Variants in AR observed in about 807,000 individuals in gnomAD.
AR encodes the protein dihydrotestosterone receptor.
A neutral mutation model predicts 53.9 loss-of-function variants in AR; 8 were observed. The ratio of observed to expected loss-of-function variants is 0.15; its 90% CI spans 0.09 to 0.27. AR has a LOEUF of 0.27. Ranked by LOEUF, AR falls within the 10% of genes least tolerant of loss-of-function variation. The probability of loss-of-function intolerance (pLI) is 1.00; values close to 1 mark genes in which losing one functional copy is unlikely to be tolerated. For synonymous variants in AR, 359 were observed against 316.4 expected (o/e 1.13, Z -1.43); for missense variants, 639 against 742.5 (o/e 0.86, Z 1.62).
chrX:67,550,133 G>A (rs914103984), intron 1 of AR, among the ~76,000 whole-genome samples: 19 of 111,897 alleles, frequency 1.7e-4, no homozygotes, highest in Non-Finnish European at 2.8e-4. Flanking sequence ...CCATTCGGAA[G>A]TATACACAGG....
chrX:67,684,454 CT>C (rs1170751899), intron 2 of AR, among the ~76,000 whole-genome samples: 1 of 111,070 alleles, frequency 9.0e-6, no homozygotes, highest in Non-Finnish European at 1.9e-5. Context: ...AGTTTTCTTC[CT>C]TTGGGGGCCT....
intron 1 of AR, among the ~76,000 whole-genome samples, chrX:67,631,370 C>G (rs1388573528): frequency 9.0e-6 from 1 of 111,690 alleles, no homozygotes; most frequent in Non-Finnish European, 1.9e-5. Context: ...AAGTTCCCTT[C>G]TCACTTCATT....
rs770520675 is a variant in AR, at chrX:67,726,933, TC to T, written c.*3093del. On this transcript the variant is annotated 3_prime_UTR_variant, in exon 8 of 8. Coordinates refer to ENST00000374690, the MANE Select transcript of AR (RefSeq NM_000044.6). ...CTCACTGGAAAAGTCACAAGGACCA[TC>T]TCCAAACAAGTTGGCAGTGCTCGAT... 1.4e-4 allele frequency: 25 copies of T among 173,034 alleles called. No homozygotes were observed. The East Asian group carries it at 1.8e-3, about 12-fold the overall frequency. 14.3% of individuals were successfully genotyped at this position (173,034 alleles called of 1,213,427 possible). A position where few individuals can be genotyped will look rare whatever the true frequency, so the allele number is the denominator to read the frequency against.
intron 1 of AR, among the ~76,000 whole-genome samples, chrX:67,641,259 T>C (rs1275576226): frequency 1.8e-5 from 2 of 111,746 alleles, no homozygotes; most frequent in African/African-American, 3.2e-5. Context: ...TTCTGCAATA[T>C]AGGGATGATA....
At position 67,651,103 on chromosome X, in the gene AR, C is replaced by T. The variant is rs938339551; in HGVS notation, c.1768+7696C>T. ...TCACCCAGGCTGGAGTGCAGTGGCA[C>T]GATCTCGGCTCACTGCAACCTCCAC... On this transcript the variant is annotated intron_variant, in intron 2 of 7. Transcript: ENST00000374690. 8.3e-5 allele frequency among the ~76,000 whole-genome samples: 9 copies of T among 108,698 alleles called. 1 individual carries two copies. In the Middle Eastern group the frequency reaches 0.014, roughly 171 times the overall value. 94.4% of individuals were successfully genotyped at this position (108,698 alleles called of 115,157 possible).
At chrX:67,719,076 A>G (rs996114576) in intron 5 of AR, among the ~76,000 whole-genome samples, 1 of 110,858 alleles carries the variant, frequency 9.0e-6, no homozygotes, top group African/African-American at 3.3e-5. Context: ...AATAAAATCT[A>G]CAGGCCAATG....
rs1265039384 is a variant in AR at position 67,638,670 on chromosome X, T to C, written c.1617-4586T>C. Among the ~76,000 whole-genome samples the C allele has an allele frequency of 2.3e-4, 26 of 112,008 alleles. No homozygotes were observed. The Admixed American group carries it at 2.5e-3, about 11-fold the overall frequency. On this transcript the variant is annotated intron_variant, in intron 1 of 7. Coordinates refer to ENST00000374690, the MANE Select transcript of AR (RefSeq NM_000044.6). ...CTTCACCCACTTTTTGATGGGGTTG[T>C]TTGTCTTTTTCTTGTAAATTTGTTT...
At chrX:67,595,675 G>A (rs995716222) in intron 1 of AR, among the ~76,000 whole-genome samples, 1 of 106,750 alleles carries the variant, frequency 9.4e-6, no homozygotes, top group African/African-American at 3.4e-5. Flanking sequence ...ATAGCCAGGC[G>A]TGATGGTGCG....
intron 4 of AR, among the ~76,000 whole-genome samples, chrX:67,717,042 G>T: frequency 8.9e-6 from 1 of 111,783 alleles, no homozygotes; most frequent in East Asian, 2.8e-4. Context: ...TGTTGTGAAT[G>T]TTAAATGAGA....
intron 1 of AR, among the ~76,000 whole-genome samples, chrX:67,625,629 G>C (rs775680828): frequency 2.1e-4 from 23 of 111,356 alleles, no homozygotes; most frequent in Non-Finnish European, 4.0e-4. Flanking sequence ...ACTTTCAAAA[G>C]TGTTGCTAAG....
intron 1 of AR, among the ~76,000 whole-genome samples, chrX:67,590,257 A>G (rs1406283810): frequency 9.0e-6 from 1 of 111,445 alleles, no homozygotes; most frequent in African/African-American, 3.3e-5. Context: ...TGGGTTAAGC[A>G]GAAATAACTT....
At chrX:67,664,962 A>G (rs973884179) in intron 2 of AR, among the ~76,000 whole-genome samples, 1 of 112,811 alleles carries the variant, frequency 8.9e-6, no homozygotes, top group African/African-American at 3.2e-5. Context: ...AAGACCATTG[A>G]AAAAGTGCAG....
intron 5 of AR, among the ~76,000 whole-genome samples, chrX:67,720,640 C>CA (rs1205830368): frequency 1.8e-5 from 2 of 111,539 alleles, no homozygotes; most frequent in Non-Finnish European, 3.8e-5. Context: ...AATAATTCTA[C>CA]ACCATCTGCC....
chrX:67,686,757 T>A (rs2075968963), intron 3 of AR, among the ~76,000 whole-genome samples: 1 of 111,575 alleles, frequency 9.0e-6, no homozygotes, highest in African/African-American at 3.3e-5. Context: ...AAAGCATTTT[T>A]TTTCAGTAGC....
chrX:67,704,823 T>C (rs768821149), intron 3 of AR, among the ~76,000 whole-genome samples: 33 of 112,183 alleles, frequency 2.9e-4, no homozygotes, highest in Non-Finnish European at 5.4e-4. Flanking sequence ...AATTTTTCTA[T>C]AAGGTGTAAG....
At chrX:67,679,173 G>A (rs1159554982) in intron 2 of AR, among the ~76,000 whole-genome samples, 1 of 111,174 alleles carries the variant, frequency 9.0e-6, no homozygotes, top group Non-Finnish European at 1.9e-5. Flanking sequence ...TGTCAATTTA[G>A]AAATTTAAAA....
chrX:67,545,321 CAGCAGCAGCAG>C lies in AR; in HGVS notation c.176_186del (p.Gln59ProfsTer21), dbSNP rs763148811. 11 of 572,252 alleles carry C rather than the reference CAGCAGCAGCAG, an allele frequency of 1.9e-5. No homozygotes were observed. The African/African-American group carries it at 2.4e-4, about 13-fold the overall frequency. The allele number at this position is 572,252 out of a possible 1,213,427, so 47.2% of individuals were successfully genotyped here. ...CGGCGCCAGTTTGCTGCTGCTGCAG[CAGCAGCAGCAG>C]CAGCAGCAGCAGCAGCAGCAGCAGC... is the stretch of plus-strand genomic sequence containing the variant. On this transcript the variant is annotated frameshift_variant, in exon 1 of 8. Transcript: ENST00000374690. LOFTEE classifies it high-confidence loss of function.
chrX:67,633,292 T>C (rs1925260846), intron 1 of AR, among the ~76,000 whole-genome samples: 1 of 111,624 alleles, frequency 9.0e-6, no homozygotes, highest in African/African-American at 3.3e-5. Flanking sequence ...CCTCCTACCC[T>C]CCACCATCAA....
In AR at chrX:67,608,051, A is replaced by G. The variant is rs1035537895; in HGVS notation, c.1617-35205A>G. 2.7e-5 allele frequency among the ~76,000 whole-genome samples: 3 copies of G among 112,291 alleles called. No homozygotes were observed. In the Admixed American group the frequency reaches 2.8e-4, roughly 11 times the overall value. Reference sequence around the variant, plus strand: ...ATAATAGTCTTAAAGTCCGATGCCCAGCAGAGCCGTAGATTTTTCACTGGC... The same window carrying G: ...ATAATAGTCTTAAAGTCCGATGCCCGGCAGAGCCGTAGATTTTTCACTGGC... On this transcript the variant is annotated intron_variant, in intron 1 of 7. Transcript: ENST00000374690.
Sources: gnomAD v4.1 joint callset for allele counts (sites outside exome capture counted in the v4.1 genomes callset) on GRCh38, gnomAD v4.1.1 for gene constraint, MANE v1.5 for transcripts, NCBI Gene and HGNC (gene_info 2026-07-23, HGNC 2026-07-21) for gene names.